Variants in SEC31A observed in about 807,000 individuals in gnomAD.
SEC31A encodes the protein protein transport protein Sec31A.
In SEC31A, 70 loss-of-function variants were observed where a neutral mutation model predicts 151.0. The ratio of observed to expected loss-of-function variants is 0.46; its 90% CI spans 0.38 to 0.57. SEC31A has a LOEUF of 0.57. Among genes scored for constraint, SEC31A ranks in the 20% least tolerant of loss-of-function variants. The pLI is 0.00. For missense variants in SEC31A, 1,330 were observed against 1,471.2 expected (o/e 0.90, Z 1.57); for synonymous variants, 475 against 505.9 (o/e 0.94, Z 0.82).
chr4:82,891,888 G>A (rs6535408), upstream of SEC31A, among the ~76,000 whole-genome samples: 141,757 of 152,244 alleles, frequency 0.93, 66,851 homozygotes, highest in East Asian at 1. Context: ...ACAGCAAGGT[G>A]AAGCCAAAGG....
At chr4:82,850,339 T>C (rs1050371601) in intron 19 of SEC31A, among the ~76,000 whole-genome samples, 4 of 152,162 alleles carry the variant, frequency 2.6e-5, no homozygotes, top group Admixed American at 2.6e-4. Flanking sequence ...AGGAAAAGAT[T>C]ATGTATCAGC....
intron 4 of SEC31A, 26 bp downstream of exon 4, chr4:82,878,697 AGTCTAAG>A: frequency 6.4e-7 from 1 of 1,552,592 alleles, no homozygotes; most frequent in Non-Finnish European, 8.9e-7. Context: ...AGCAGCACAT[AGTCTAAG>A]AATTATGAAA....
At chr4:82,821,737 G>C (rs1392032712) in intron 25 of SEC31A, among the ~76,000 whole-genome samples, 2 of 151,940 alleles carry the variant, frequency 1.3e-5, no homozygotes, top group Non-Finnish European at 2.9e-5. Context: ...ATGCATGTTT[G>C]CTTGCACTAT....
chr4:82,821,339 G>A (rs1723267868), intron 25 of SEC31A: 3 of 419,776 alleles, frequency 7.1e-6, no homozygotes, highest in African/African-American at 2.1e-5. Flanking sequence ...ATGAGGTCAG[G>A]AGTTTGAGAC....
At position 82,827,357 on chromosome 4, in the gene SEC31A, A is replaced by C. The variant is rs1237894444; in HGVS notation, c.3291+12T>G. Reference sequence around the variant, plus strand: ...CCATCTTCCCATTCCACTTCTACAAATTTACTGTTACCTGGAAGGTATTTC... The same window carrying C: ...CCATCTTCCCATTCCACTTCTACAACTTTACTGTTACCTGGAAGGTATTTC... On this transcript the variant is annotated intron_variant, in intron 24 of 26. Coordinates refer to ENST00000395310, the MANE Select transcript of SEC31A (RefSeq NM_001077207.4). 6.2e-7 allele frequency: 1 copy of C among 1,610,714 alleles called. No individual in the cohort carries two copies. The highest frequency in any genetic ancestry group is 8.5e-7 in the Non-Finnish European group (1 of 1,177,480).
upstream of SEC31A, chr4:82,891,375 A>G (rs1294171751): frequency 1.6e-5 from 10 of 612,364 alleles, no homozygotes; most frequent in Non-Finnish European, 2.9e-5. Flanking sequence ...CGCCCCGGCG[A>G]TCGTAGAAAC....
chr4:82,880,663 T>C, intron 3 of SEC31A, 136 bp downstream of exon 3: 1 of 747,404 alleles, frequency 1.3e-6, no homozygotes, highest in South Asian at 2.6e-5. Flanking sequence ...TTCACTCACA[T>C]GCTTTTTCAC....
At chr4:82,870,920 A>G (rs1287465510) in intron 7 of SEC31A, among the ~76,000 whole-genome samples, 1 of 152,166 alleles carries the variant, frequency 6.6e-6, no homozygotes, top group Non-Finnish European at 1.5e-5. Context: ...ATATGTAGAT[A>G]AAAATTATTC....
intron 24 of SEC31A, among the ~76,000 whole-genome samples, chr4:82,826,179 A>T (rs1724497750): frequency 1.3e-5 from 2 of 152,166 alleles, no homozygotes; most frequent in Admixed American, 1.3e-4. Flanking sequence ...AACAAAGATA[A>T]GTGGCTGATT....
exon 1 of SEC31A, chr4:82,900,455 A>G (rs1447847631): frequency 2.5e-5 from 7 of 282,170 alleles, no homozygotes; most frequent in East Asian, 8.2e-5. Context: ...TGGCCTCACA[A>G]GAAGGACGAT....
chr4:82,888,386 AT>A (rs1741378868), intron 1 of SEC31A, among the ~76,000 whole-genome samples: 4 of 39,354 alleles, frequency 1.0e-4, no homozygotes, highest in Admixed American at 3.2e-4. Context: ...CACAAAAAAC[AT>A]ATATATATAT....
At chr4:82,843,810 G>C (rs1729459011) in intron 21 of SEC31A, 1 of 152,110 alleles carries the variant, frequency 6.6e-6, no homozygotes, top group African/African-American at 2.4e-5. Context: ...ACAACACTGA[G>C]AGTGTAAACT....
At chr4:82,866,650 A>G (rs1735467034) in intron 10 of SEC31A, among the ~76,000 whole-genome samples, 158 bp downstream of exon 10, 1 of 152,252 alleles carries the variant, frequency 6.6e-6, no homozygotes, top group Admixed American at 6.5e-5. Flanking sequence ...AGTAGGTTCC[A>G]ATTTTTCAGA....
chr4:82,890,751 C>T, intron 1 of SEC31A: 1 of 1,164,530 alleles, frequency 8.6e-7, no homozygotes, highest in Non-Finnish European at 1.1e-6. Context: ...GGGACCGCAC[C>T]TCTTTGTGCA....
intron 18 of SEC31A, 29 bp downstream of exon 18, chr4:82,853,536 AAAAAT>A: frequency 6.5e-7 from 1 of 1,529,980 alleles, no homozygotes; most frequent in Non-Finnish European, 8.7e-7. Context: ...AGACAACACT[AAAAAT>A]TAAGTGCCTT....
intron 2 of SEC31A, among the ~76,000 whole-genome samples, chr4:82,881,173 C>A (rs1464655601): frequency 6.6e-6 from 1 of 152,026 alleles, no homozygotes; most frequent in Non-Finnish European, 1.5e-5. Context: ...TAAAAATGGT[C>A]CCGTGATGGG....
intron 24 of SEC31A, 152 bp from the exon 25 acceptor site, chr4:82,824,826 T>A: frequency 1.1e-6 from 1 of 873,874 alleles, no homozygotes; most frequent in Non-Finnish European, 1.7e-6. Flanking sequence ...TCACTTACGA[T>A]AAGTAAAAAT....
intron 1 of SEC31A, among the ~76,000 whole-genome samples, chr4:82,886,696 T>C (rs956666001): frequency 6.6e-6 from 1 of 152,212 alleles, no homozygotes; most frequent in East Asian, 1.9e-4. Flanking sequence ...AAAACTGCCC[T>C]GATGATTCAA....
intron 22 of SEC31A, among the ~76,000 whole-genome samples, chr4:82,835,523 G>A (rs1726998773): frequency 6.6e-6 from 1 of 152,216 alleles, no homozygotes; most frequent in Non-Finnish European, 1.5e-5. Flanking sequence ...AAGGTCAGGC[G>A]TGGTGGCTTA....
Sources: allele counts gnomAD v4.1 joint callset (sites outside exome capture counted in the v4.1 genomes callset), GRCh38; gene constraint gnomAD v4.1.1; transcripts MANE v1.5; gene names NCBI Gene and HGNC (gene_info 2026-07-23, HGNC 2026-07-21).